Variants in CALCR observed in about 807,000 individuals in gnomAD.
CALCR encodes calcitonin receptor.
CALCR carries 47 observed loss-of-function variants against 59.5 expected under a neutral mutation model. The ratio of observed to expected loss-of-function variants is 0.79; its 90% CI spans 0.63 to 1.01. The LOEUF is 1.01. Among genes scored for constraint, CALCR ranks in the 50% least tolerant of loss-of-function variants. CALCR has a pLI of 0.00. For missense variants in CALCR, 566 were observed against 597.1 expected (o/e 0.95, Z 0.54); for synonymous variants, 213 against 211.3 (o/e 1.01, Z -0.07).
At chr7:93,503,095 G>T (rs1562999380) in intron 2 of CALCR, among the ~76,000 whole-genome samples, 1 of 151,966 alleles carries the variant, frequency 6.6e-6, no homozygotes, top group Non-Finnish European at 1.5e-5. Flanking sequence ...CCAAATCTCA[G>T]TTTTTTAAAA....
At chr7:93,480,337 T>C (rs1426371427) in intron 3 of CALCR, among the ~76,000 whole-genome samples, 2 of 151,910 alleles carry the variant, frequency 1.3e-5, no homozygotes, top group Non-Finnish European at 2.9e-5. Context: ...TTTAGTGGTG[T>C]TGGAATCTGC....
intron 8 of CALCR, among the ~76,000 whole-genome samples, chr7:93,460,591 A>G (rs1414081755): frequency 2.6e-5 from 3 of 115,626 alleles, no homozygotes; most frequent in African/African-American, 7.8e-5. Flanking sequence ...ATATATATAT[A>G]TGTATATATA....
At chr7:93,516,139 C>G (rs1013699312) in intron 2 of CALCR, among the ~76,000 whole-genome samples, 1 of 151,764 alleles carries the variant, frequency 6.6e-6, no homozygotes, top group Non-Finnish European at 1.5e-5. Context: ...AAATTTTCCT[C>G]AAAAAATGTA....
chr7:93,450,320 A>G (rs1198925182), intron 8 of CALCR, among the ~76,000 whole-genome samples: 1 of 151,970 alleles, frequency 6.6e-6, no homozygotes, highest in East Asian at 1.9e-4. Context: ...GCTTGTTGGA[A>G]TGCTCTATGA....
Position 93,428,681 on chromosome 7 carries a change from G to A in CALCR, c.1192-2092C>T, listed in dbSNP as rs1366249739. On this transcript the variant is annotated intron_variant, in intron 13 of 13. Transcript: ENST00000426151. The stretch of plus-strand genomic sequence containing the variant: ...CGGCGCCTGTAGTCCCAGCTACTCA[G>A]GAGGCTGAGGCAGGAGAATGGCATG... Among the ~76,000 whole-genome samples, 6 of 151,902 alleles carry A rather than the reference G, an allele frequency of 3.9e-5. No individual in the cohort carries two copies. In the East Asian group the frequency reaches 1.2e-3, roughly 30 times the overall value.
intron 3 of CALCR, among the ~76,000 whole-genome samples, chr7:93,481,000 A>C (rs1158904769): frequency 2.0e-5 from 3 of 151,864 alleles, no homozygotes; most frequent in Non-Finnish European, 2.9e-5. Context: ...TAACAAAAAA[A>C]GAGTTAAAAC....
At chr7:93,522,694 G>A (rs2116095817) in intron 2 of CALCR, among the ~76,000 whole-genome samples, 1 of 152,274 alleles carries the variant, frequency 6.6e-6, no homozygotes, top group East Asian at 1.9e-4. Context: ...GCCAGTTCAA[G>A]GCACAGGCAG....
chr7:93,477,666 G>A lies in CALCR; in HGVS notation c.208C>T (p.Pro70Ser). ...QQLPAYQGEG[P>S]YCNRTWDGWL... is the part of the protein sequence containing the mutation. ...CCATCCCAGGTGCGATTGCAATATG[G>A]ACCTGGCCATTTAGAAGGAAATTGA... The change falls in exon 5 of 14, where the codon CCA becomes TCA. Residue 70 changes from proline to serine, a missense_variant and splice_region_variant. Physicochemically the swap from Pro to Ser is moderately conservative, Grantham distance 74 (BLOSUM62 -1). Coordinates refer to ENST00000426151, the MANE Select transcript of CALCR (RefSeq NM_001742.4). 2 of 1,591,090 alleles carry A rather than the reference G, an allele frequency of 1.3e-6. No individual in the cohort carries two copies. The highest frequency in any genetic ancestry group is 1.7e-6 in the Non-Finnish European group (2 of 1,160,376).
At chr7:93,445,814 A>T (rs74390502) in intron 8 of CALCR, among the ~76,000 whole-genome samples, 2,374 of 152,206 alleles carry the variant, frequency 0.016, 19 homozygotes, top group South Asian at 0.031. Flanking sequence ...GCTTTCTTGT[A>T]CTTAGGAACA....
intron 3 of CALCR, chr7:93,484,088 C>G (rs1202740870): frequency 2.2e-6 from 1 of 456,690 alleles, no homozygotes; most frequent in Non-Finnish European, 4.8e-6. Flanking sequence ...GAGTGCCTCT[C>G]ACATGTCAGG....
intron 2 of CALCR, among the ~76,000 whole-genome samples, chr7:93,513,360 T>C (rs76535988): frequency 3.3e-3 from 508 of 152,242 alleles, no homozygotes; most frequent in Non-Finnish European, 5.7e-3. Context: ...GAAGTATATA[T>C]AGGTTTATTT....
At chr7:93,442,737 T>C (rs181878118) in intron 9 of CALCR, among the ~76,000 whole-genome samples, 215 of 152,250 alleles carry the variant, frequency 1.4e-3, no homozygotes, top group African/African-American at 5.0e-3. Flanking sequence ...ACCCATCATG[T>C]GGGGTGGATG....
At chr7:93,513,484 C>T (rs1801591364) in intron 2 of CALCR, among the ~76,000 whole-genome samples, 1 of 151,786 alleles carries the variant, frequency 6.6e-6, no homozygotes, top group Admixed American at 6.6e-5. Context: ...AGTAGTAGTC[C>T]CATGTTTCAT....
intron 2 of CALCR, among the ~76,000 whole-genome samples, chr7:93,512,273 G>A (rs1801562470): frequency 6.6e-6 from 1 of 152,140 alleles, no homozygotes; most frequent in African/African-American, 2.4e-5. Context: ...TAACAGCCCT[G>A]TATGGTACGT....
intron 13 of CALCR, among the ~76,000 whole-genome samples, chr7:93,429,385 TAAC>T (rs1454456193): frequency 6.6e-6 from 1 of 152,146 alleles, no homozygotes; most frequent in African/African-American, 2.4e-5. Flanking sequence ...GGGATAAATG[TAAC>T]AACAACAAAA....
intron 7 of CALCR, among the ~76,000 whole-genome samples, chr7:93,462,537 A>C (rs1800358315): frequency 1.3e-5 from 2 of 152,136 alleles, no homozygotes; most frequent in Non-Finnish European, 2.9e-5. Context: ...GTGACCTGCC[A>C]TCCTTCATAG....
intron 8 of CALCR, among the ~76,000 whole-genome samples, chr7:93,448,810 A>G (rs922857081): frequency 5.3e-5 from 8 of 151,926 alleles, no homozygotes. Context: ...CAACTTTTCT[A>G]TTTTTGGCGG....
chr7:93,538,688 C>A (rs1202555774), intron 2 of CALCR, among the ~76,000 whole-genome samples: 2 of 151,980 alleles, frequency 1.3e-5, no homozygotes, highest in African/African-American at 4.8e-5. Flanking sequence ...AGTCACTGAC[C>A]TTTCTCTAGA....
intron 2 of CALCR, among the ~76,000 whole-genome samples, chr7:93,518,623 T>A (rs1441615788): frequency 6.6e-6 from 1 of 151,762 alleles, no homozygotes; most frequent in Non-Finnish European, 1.5e-5. Flanking sequence ...ACCCAACCAA[T>A]TAGGTGGAGA....
Sources: gnomAD v4.1 joint callset for allele counts (sites outside exome capture counted in the v4.1 genomes callset) on GRCh38, gnomAD v4.1.1 for gene constraint, MANE v1.5 for transcripts, NCBI Gene and HGNC (gene_info 2026-07-23, HGNC 2026-07-21) for gene names.